SORCS3: variants seen among roughly 807,000 people sequenced by gnomAD.
SORCS3 encodes the protein VPS10 domain-containing receptor SorCS3.
In SORCS3, 57 loss-of-function variants were observed where a neutral mutation model predicts 146.3. The ratio of observed to expected loss-of-function variants is 0.39; its 90% CI spans 0.31 to 0.49. The LOEUF is 0.49. Among genes scored for constraint, SORCS3 ranks in the 20% least tolerant of loss-of-function variants. The probability of loss-of-function intolerance (pLI) is 0.92; values close to 1 mark genes in which losing one functional copy is unlikely to be tolerated. For synonymous variants in SORCS3, 653 were observed against 618.5 expected (o/e 1.06, Z -0.83); for missense variants, 1,341 against 1,575.5 (o/e 0.85, Z 2.52).
chr10:105,083,019 A>G (rs2055635798), intron 5 of SORCS3, among the ~76,000 whole-genome samples: 1 of 152,152 alleles, frequency 6.6e-6, no homozygotes, highest in South Asian at 2.1e-4. Context: ...GATTACAGGC[A>G]TGAGCCACCA....
chr10:105,034,835 T>G (rs1487394302), intron 4 of SORCS3, among the ~76,000 whole-genome samples: 1 of 152,160 alleles, frequency 6.6e-6, no homozygotes, highest in East Asian at 1.9e-4. Flanking sequence ...CATGTTTCTT[T>G]CCCTCCCCCT....
At chr10:105,032,702 A>G (rs2055277339) in intron 4 of SORCS3, among the ~76,000 whole-genome samples, 1 of 152,236 alleles carries the variant, frequency 6.6e-6, no homozygotes, top group African/African-American at 2.4e-5. Flanking sequence ...AATGACCTAA[A>G]ACTAAGAGAT....
intron 7 of SORCS3, among the ~76,000 whole-genome samples, chr10:105,113,752 G>A (rs527299320): frequency 6.6e-6 from 1 of 152,324 alleles, no homozygotes; most frequent in South Asian, 2.1e-4. Context: ...ACAGAAAGCT[G>A]TGAAATTTGT....
At chr10:105,134,316 T>C (rs1209153026) in intron 7 of SORCS3, among the ~76,000 whole-genome samples, 1 of 152,196 alleles carries the variant, frequency 6.6e-6, no homozygotes, top group African/African-American at 2.4e-5. Flanking sequence ...ACTCAATTAA[T>C]GACTGTCTTA....
chr10:104,730,023 T>G (rs778392918), intron 1 of SORCS3, among the ~76,000 whole-genome samples: 26 of 152,318 alleles, frequency 1.7e-4, no homozygotes, highest in Non-Finnish European at 3.2e-4. Flanking sequence ...GAAAATCACC[T>G]TGCTCAGACT....
chr10:105,245,907 A>G (rs2056863449), intron 21 of SORCS3, among the ~76,000 whole-genome samples: 1 of 152,154 alleles, frequency 6.6e-6, no homozygotes, highest in Non-Finnish European at 1.5e-5. Flanking sequence ...TGGGGTTCTT[A>G]TTAGACAAAG....
intron 2 of SORCS3, among the ~76,000 whole-genome samples, chr10:104,849,454 G>GT (rs1263430836): frequency 6.6e-6 from 1 of 150,542 alleles, no homozygotes; most frequent in Non-Finnish European, 1.5e-5. Context: ...ACTATTTCAG[G>GT]TATTGGTAGT....
At chr10:105,145,076 C>G (rs1003807742) in intron 8 of SORCS3, among the ~76,000 whole-genome samples, 5 of 151,434 alleles carry the variant, frequency 3.3e-5, no homozygotes, top group Non-Finnish European at 7.4e-5. Flanking sequence ...AGGCGGTGGT[C>G]AGGATTAGAG....
rs186055628 is a variant in SORCS3 at position 104,896,613 on chromosome 10, G to T, written c.696-19220G>T. Among the ~76,000 whole-genome samples, 445 of 152,384 alleles carry T rather than the reference G, an allele frequency of 2.9e-3. 2 individuals are homozygous for T. Among genetic ancestry groups the T allele is most frequent in the South Asian group, 0.018 (88 of 4,830 alleles). ...GGGGCAAGTGGGCAGGGGTCAGCCA[G>T]TGGTGGCCCACAGGCCAAATGTAGC... On this transcript the variant is annotated intron_variant, in intron 2 of 26. Coordinates refer to ENST00000369701, the MANE Select transcript of SORCS3 (RefSeq NM_014978.3).
intron 8 of SORCS3, 58 bp from the exon 9 acceptor site, chr10:105,147,559 C>T: frequency 6.9e-7 from 1 of 1,448,926 alleles, no homozygotes; most frequent in Non-Finnish European, 9.4e-7. Flanking sequence ...ACTTGGCATC[C>T]CAATGGGCAG....
chr10:104,846,146 C>A (rs995382791), intron 2 of SORCS3, among the ~76,000 whole-genome samples: 1 of 152,130 alleles, frequency 6.6e-6, no homozygotes, highest in African/African-American at 2.4e-5. Flanking sequence ...TGATAAAGCC[C>A]CAGCTTAGGA....
intron 2 of SORCS3, among the ~76,000 whole-genome samples, chr10:104,861,374 C>G (rs1370316307): frequency 1.3e-5 from 2 of 152,154 alleles, no homozygotes; most frequent in Non-Finnish European, 1.5e-5. Flanking sequence ...GTCTAAAGTA[C>G]AAGTGAAAAC....
chr10:105,184,865 A>C (rs909267782), intron 14 of SORCS3, among the ~76,000 whole-genome samples: 2 of 152,190 alleles, frequency 1.3e-5, no homozygotes, highest in African/African-American at 4.8e-5. Context: ...TAAAGTGTAC[A>C]ATAATGTATT....
At chr10:104,964,479 G>T (rs1198729518) in intron 3 of SORCS3, among the ~76,000 whole-genome samples, 1 of 152,092 alleles carries the variant, frequency 6.6e-6, no homozygotes, top group Non-Finnish European at 1.5e-5. Flanking sequence ...TCTATCTGTT[G>T]TTTATTCTTC....
chr10:104,962,263 GA>G (rs969196005), intron 3 of SORCS3, among the ~76,000 whole-genome samples: 4 of 152,188 alleles, frequency 2.6e-5, no homozygotes, highest in East Asian at 1.9e-4. Flanking sequence ...ACAGTGATTT[GA>G]AAAAACTCTG....
At chr10:105,250,226 C>T (rs901126723) in intron 22 of SORCS3, among the ~76,000 whole-genome samples, 2 of 152,036 alleles carry the variant, frequency 1.3e-5, no homozygotes, top group Non-Finnish European at 2.9e-5. Context: ...CCTCTCAAGG[C>T]CCCACCCTGA....
chr10:105,050,769 C>A (rs575327446), intron 5 of SORCS3, among the ~76,000 whole-genome samples: 1 of 152,246 alleles, frequency 6.6e-6, no homozygotes, highest in Non-Finnish European at 1.5e-5. Context: ...ATGCTTTTCT[C>A]TGATCCTTAT....
intron 3 of SORCS3, among the ~76,000 whole-genome samples, chr10:104,944,365 T>A (rs1227127331): frequency 1.3e-5 from 2 of 152,182 alleles, no homozygotes; most frequent in Non-Finnish European, 2.9e-5. Context: ...GATTGATATG[T>A]TGGACTTAAA....
Position 105,245,675 on chromosome 10 carries a change from G to A in SORCS3, c.2992+10G>A, listed in dbSNP as rs772508727. On this transcript the variant is annotated intron_variant, in intron 21 of 26. Coordinates refer to ENST00000369701, the MANE Select transcript of SORCS3 (RefSeq NM_014978.3). ...GAGATTGCAGTTCATGGTAAGCCCT[G>A]AAAATTGTTCTGTGATGCTCCTTCC... 1 of 1,613,684 alleles carries A rather than the reference G, an allele frequency of 6.2e-7. No individual in the cohort carries two copies. The highest frequency in any genetic ancestry group is 8.5e-7 in the Non-Finnish European group (1 of 1,179,792).
Sources: gnomAD v4.1 joint callset for allele counts (sites outside exome capture counted in the v4.1 genomes callset) on GRCh38, gnomAD v4.1.1 for gene constraint, MANE v1.5 for transcripts, NCBI Gene and HGNC (gene_info 2026-07-23, HGNC 2026-07-21) for gene names.